The following DHRS9 variants were observed in gnomAD, a reference collection of about 807,000 sequenced individuals.
DHRS9 encodes dehydrogenase/reductase SDR family member 9.
A neutral mutation model predicts 26.6 loss-of-function variants in DHRS9; 18 were observed. That is an observed-to-expected ratio of 0.68 (90% CI 0.47 to 1.00). DHRS9 has a LOEUF of 1.00. Among genes scored for constraint, DHRS9 ranks in the 50% least tolerant of loss-of-function variants. The pLI, the probability that DHRS9 is intolerant of heterozygous loss-of-function variation, is 0.00. For synonymous variants in DHRS9, 134 were observed against 141.1 expected (o/e 0.95, Z 0.36); for missense variants, 425 against 378.7 (o/e 1.12, Z -1.01).
chr2:169,083,605 A>G lies in DHRS9; in HGVS notation c.572+18A>G, dbSNP rs780494214. On this transcript the variant is annotated intron_variant, in intron 3 of 4. Coordinates refer to ENST00000674881, the MANE Select transcript of DHRS9 (RefSeq NM_001376924.1). ...AGCTTAAGGTAAATCAAATTAATCAACTTATTAGGAAACAATAGCTGCAAA... is the reference window on the plus strand; with the variant it reads ...AGCTTAAGGTAAATCAAATTAATCAGCTTATTAGGAAACAATAGCTGCAAA... 3.7e-6 allele frequency: 6 copies of G among 1,610,130 alleles called. No individual in the cohort carries two copies. The highest frequency in any genetic ancestry group is 1.3e-5 in the African/African-American group (1 of 74,794).
At position 169,081,840 on chromosome 2, in the gene DHRS9, C is replaced by A; in HGVS notation, c.259C>A (p.Pro87Thr). The A allele has an allele frequency of 6.2e-7, 1 of 1,613,596 alleles. No individual in the cohort carries two copies. Among genetic ancestry groups the A allele is most frequent in the Non-Finnish European group, 8.5e-7 (1 of 1,179,846 alleles). The change falls in exon 2 of 5, where the codon CCA becomes ACA. Residue 87 changes from proline (P) to threonine (T), a missense_variant. Coordinates refer to ENST00000674881, the MANE Select transcript of DHRS9 (RefSeq NM_001376924.1). The stretch of plus-strand genomic sequence containing the variant: ...TACTGTGCTTCTGGATGTGACCGAC[C>A]CAGAGAATGTCAAGAGGACTGCCCA... Reference protein sequence around the residue: ...LRTVLLDVTDPENVKRTAQWV... With the variant: ...LRTVLLDVTDTENVKRTAQWV...
intron 2 of DHRS9, 38 bp from the exon 3 acceptor site, chr2:169,083,291 T>A: frequency 6.3e-7 from 1 of 1,597,504 alleles, no homozygotes; most frequent in Non-Finnish European, 8.6e-7. Context: ...AAATAAGTAC[T>A]GTCTTACCAC....
intron 1 of DHRS9, among the ~76,000 whole-genome samples, chr2:169,077,836 C>T (rs1684009100): frequency 6.6e-6 from 1 of 152,206 alleles, no homozygotes; most frequent in African/African-American, 2.4e-5. Flanking sequence ...CCCATTCCCT[C>T]ATCTACTTTC....
At chr2:169,075,678 G>C (rs1044097811) in intron 1 of DHRS9, among the ~76,000 whole-genome samples, 3 of 151,904 alleles carry the variant, frequency 2.0e-5, no homozygotes, top group African/African-American at 7.3e-5. Flanking sequence ...GATCTGAAAT[G>C]GTCCTCAGTA....
At chr2:169,090,684 A>G (rs887810344) in intron 3 of DHRS9, among the ~76,000 whole-genome samples, 6 of 152,230 alleles carry the variant, frequency 3.9e-5, no homozygotes, top group African/African-American at 1.4e-4. Flanking sequence ...AGGAAAATAA[A>G]TCAAATTTAG....
chr2:169,087,688 T>C (rs2105298164), intron 3 of DHRS9, among the ~76,000 whole-genome samples: 1 of 152,276 alleles, frequency 6.6e-6, no homozygotes, highest in African/African-American at 2.4e-5. Flanking sequence ...GCCCAAGGGC[T>C]CTTTAGTCAG....
At chr2:169,088,511 A>G (rs68013923) in intron 3 of DHRS9, among the ~76,000 whole-genome samples, 3,761 of 152,214 alleles carry the variant, frequency 0.025, 132 homozygotes, top group East Asian at 0.13. Context: ...GTTTTTTTGC[A>G]TGAATAGTTG....
At position 169,095,851 on chromosome 2, in the gene DHRS9, CTGCT is replaced by C; in HGVS notation, c.*85_*88del. Reference sequence around the variant, plus strand: ...TCTCCTTTTCAACCCCATTCCTTATCTGCTCCAACCTGGACTCATTTAGATCGTG... The same window carrying C: ...TCTCCTTTTCAACCCCATTCCTTATCCCAACCTGGACTCATTTAGATCGTG... On this transcript the variant is annotated 3_prime_UTR_variant, in exon 5 of 5. Transcript: ENST00000674881. 1 of 1,204,262 alleles carries C rather than the reference CTGCT, an allele frequency of 8.3e-7. No homozygotes were observed. Among genetic ancestry groups the C allele is most frequent in the South Asian group, 1.3e-5 (1 of 74,928 alleles). 74.6% of individuals were successfully genotyped at this position (1,204,262 alleles called of 1,614,324 possible).
rs201585596 is a variant in DHRS9 at position 169,091,918 on chromosome 2, T to C, written c.701T>C (p.Ile234Thr). The C allele has an allele frequency of 1.7e-5, 28 of 1,613,864 alleles. No homozygotes were observed. The highest frequency in any genetic ancestry group is 2.2e-5 in the Non-Finnish European group (26 of 1,179,984). ...LAIWEQLSPD[I>T]KQQYGEGYIE... is the part of the protein sequence containing the mutation. ...ATTTGGGAGCAGCTGTCTCCAGACA[T>C]CAAACAACAATATGGAGAAGGTTAC... The change falls in exon 4 of 5, where the codon ATC becomes ACC. Residue 234 changes from isoleucine to threonine, a missense_variant. Transcript: ENST00000674881.
At chr2:169,084,995 A>C (rs1190404719) in intron 3 of DHRS9, among the ~76,000 whole-genome samples, 2 of 152,110 alleles carry the variant, frequency 1.3e-5, no homozygotes, top group Non-Finnish European at 2.9e-5. Flanking sequence ...ATCCATTTTG[A>C]TATGATTTTT....
At chr2:169,073,504 G>C (rs1683871448) in intron 1 of DHRS9, among the ~76,000 whole-genome samples, 1 of 152,140 alleles carries the variant, frequency 6.6e-6, no homozygotes, top group Non-Finnish European at 1.5e-5. Context: ...AGGATATTTT[G>C]AATTCTGTAG....
At chr2:169,094,100 C>G (rs57707746) in intron 4 of DHRS9, among the ~76,000 whole-genome samples, 1 of 152,232 alleles carries the variant, frequency 6.6e-6, no homozygotes, top group East Asian at 1.9e-4. Flanking sequence ...TACTTGTTAT[C>G]TTTTGTCTTT....
chr2:169,078,407 T>C (rs958760945), intron 1 of DHRS9, among the ~76,000 whole-genome samples: 1 of 152,218 alleles, frequency 6.6e-6, no homozygotes, highest in African/African-American at 2.4e-5. Context: ...TAGACTGCAA[T>C]GAAAGCTGCA....
Position 169,081,599 on chromosome 2 carries a change from A to C in DHRS9, c.18A>C (p.Leu6=). The C allele has an allele frequency of 6.2e-7, 1 of 1,614,092 alleles. No homozygotes were observed. The highest frequency in any genetic ancestry group is 8.5e-7 in the Non-Finnish European group (1 of 1,179,992). MLFWV[L]GLLILCGFLW... ...GGGGAAAAATGCTCTTTTGGGTGCT[A>C]GGCCTCCTAATCCTCTGTGGTTTTC... The change falls in exon 2 of 5, where the codon CTA becomes CTC. Residue 6 remains leucine, a synonymous_variant. Coordinates refer to ENST00000674881, the MANE Select transcript of DHRS9 (RefSeq NM_001376924.1).
intron 3 of DHRS9, among the ~76,000 whole-genome samples, chr2:169,090,451 T>A (rs1478229861): frequency 6.6e-6 from 1 of 152,228 alleles, no homozygotes. Flanking sequence ...TAATCTTTTT[T>A]AATTTTAGTA....
intron 1 of DHRS9, chr2:169,074,281 T>C (rs532766409): frequency 1.0e-6 from 1 of 985,436 alleles, no homozygotes; most frequent in East Asian, 1.1e-4. Context: ...TAAGAAAAGT[T>C]AATTTGTCCG....
intron 2 of DHRS9, among the ~76,000 whole-genome samples, chr2:169,083,121 AAT>A (rs1404848730): frequency 6.6e-6 from 1 of 152,222 alleles, no homozygotes; most frequent in Non-Finnish European, 1.5e-5. Flanking sequence ...CAGAACCAGA[AAT>A]AGAGTAACAG....
At chr2:169,080,504 G>T (rs1488290206) in intron 1 of DHRS9, among the ~76,000 whole-genome samples, 1 of 152,186 alleles carries the variant, frequency 6.6e-6, no homozygotes, top group African/African-American at 2.4e-5. Flanking sequence ...TCAGGTTCTT[G>T]TTCACTTCCT....
rs754801927 is a variant in DHRS9, at chr2:169,081,867, T to C, written c.286T>C (p.Trp96Arg). ...AGAGAATGTCAAGAGGACTGCCCAG[T>C]GGGTGAAGAACCAAGTTGGGGAGAA... ...DPENVKRTAQ[W>R]VKNQVGEKGL... The change falls in exon 2 of 5, where the codon TGG becomes CGG. Residue 96 changes from tryptophan (W) to arginine (R), a missense_variant. Physicochemically the swap from Trp to Arg is moderately radical, Grantham distance 101 (BLOSUM62 -3). Coordinates refer to ENST00000674881, the MANE Select transcript of DHRS9 (RefSeq NM_001376924.1). 6.2e-7 allele frequency: 1 copy of C among 1,609,814 alleles called. No individual in the cohort carries two copies. Among genetic ancestry groups the C allele is most frequent in the Non-Finnish European group, 8.5e-7 (1 of 1,177,404 alleles).
Sources: gnomAD v4.1 joint callset for allele counts (sites outside exome capture counted in the v4.1 genomes callset) on GRCh38, gnomAD v4.1.1 for gene constraint, MANE v1.5 for transcripts, NCBI Gene and HGNC (gene_info 2026-07-23, HGNC 2026-07-21) for gene names.